Variants in AP2A2 observed in about 807,000 individuals in gnomAD.
AP2A2 encodes the protein AP-2 complex subunit alpha-2.
AP2A2 carries 32 observed loss-of-function variants against 104.2 expected under a neutral mutation model. The ratio of observed to expected loss-of-function variants is 0.31; its 90% CI spans 0.23 to 0.41. The LOEUF is 0.41. AP2A2 is among the 10% of genes least tolerant of loss of function. The pLI, the probability that AP2A2 is intolerant of heterozygous loss-of-function variation, is 1.00. For missense variants in AP2A2, 912 were observed against 1,261.0 expected (o/e 0.72, Z 4.19); for synonymous variants, 539 against 533.3 (o/e 1.01, Z -0.15).
chr11:944,029 G>A (rs1169013978), intron 1 of AP2A2, among the ~76,000 whole-genome samples: 7 of 152,020 alleles, frequency 4.6e-5, no homozygotes, highest in African/African-American at 1.7e-4. Context: ...AGTCCCGACC[G>A]GAGATGCAGG....
intron 1 of AP2A2, 95 bp downstream of exon 1, chr11:926,183 T>TGCAGGCTGGGATGCGGGCGGGGCC: frequency 1.3e-6 from 1 of 755,142 alleles, no homozygotes; most frequent in South Asian, 6.1e-5. Context: ...GAGGCGGGGG[T>TGCAGGCTGGGATGCGGGCGGGGCC]GCAGGCTGGG....
At position 977,025 on chromosome 11, in the gene AP2A2, G is replaced by T. The variant is rs926055314; in HGVS notation, c.474-70G>T. On this transcript the variant is annotated intron_variant, in intron 4 of 21. Coordinates refer to ENST00000448903, the MANE Select transcript of AP2A2 (RefSeq NM_012305.4). ...ACCCCCGCGTCTCCTGCTGGCTCTG[G>T]GGGGGTGCTCCGTGCAGCTCTGCGC... is the stretch of plus-strand genomic sequence containing the variant. 13 of 1,596,772 alleles carry T rather than the reference G, an allele frequency of 8.1e-6. No homozygotes were observed. The East Asian group carries it at 9.0e-5, about 11-fold the overall frequency.
At chr11:963,448 A>C (rs914239856) in intron 2 of AP2A2, among the ~76,000 whole-genome samples, 2 of 152,032 alleles carry the variant, frequency 1.3e-5, no homozygotes, top group Admixed American at 1.3e-4. Flanking sequence ...TAAAAAAAAA[A>C]CAAGGTACCG....
chr11:983,022 T>TC (rs1855304576), intron 6 of AP2A2, among the ~76,000 whole-genome samples: 1 of 142,222 alleles, frequency 7.0e-6, no homozygotes, highest in Admixed American at 7.0e-5. Flanking sequence ...TTTTTCTTTT[T>TC]TTTTTTTTTT....
At position 993,761 on chromosome 11, in the gene AP2A2, ATCCAGTTCCACCTGCTGCAC is replaced by A; in HGVS notation, c.1563_1582del (p.Phe522ValfsTer115). ...GTGCCTCCCCGTCCCCAGCCCGCTG[ATCCAGTTCCACCTGCTGCAC>A]TCCAAGTTCCACCTGTGCAGCGTCC... On this transcript the variant is annotated frameshift_variant, in exon 13 of 22. Transcript: ENST00000448903. LOFTEE classifies it high-confidence loss of function. This position sits in a 1 kb window ranked among gnomAD's most constrained non-coding sequence, Gnocchi z 8.2. 6.3e-7 allele frequency: 1 copy of A among 1,594,932 alleles called. No individual in the cohort carries two copies. The highest frequency in any genetic ancestry group is 8.5e-7 in the Non-Finnish European group (1 of 1,173,772).
At chr11:977,931 C>T (rs945950860) in intron 5 of AP2A2, among the ~76,000 whole-genome samples, 5 of 152,166 alleles carry the variant, frequency 3.3e-5, no homozygotes, top group South Asian at 2.1e-4. Context: ...CCCATGTTGC[C>T]GTGAGCCCCA....
rs867290903 is a variant in AP2A2 at position 1,009,801 on chromosome 11, C to T, written c.2726C>T (p.Pro909Leu). 14 of 1,547,256 alleles carry T rather than the reference C, an allele frequency of 9.0e-6. No homozygotes were observed. Among genetic ancestry groups the T allele is most frequent in the African/African-American group, 2.7e-5 (2 of 73,132 alleles). The change falls in exon 21 of 22, where the codon CCG (proline) becomes CTG (leucine). Residue 909 changes from proline to leucine, a missense_variant. Physicochemically the swap from Pro to Leu is moderately conservative, Grantham distance 98. Transcript: ENST00000448903. Reference protein sequence around the residue: ...TQIGCLLRLEPNLQAQMYRLT... With the variant: ...TQIGCLLRLELNLQAQMYRLT... ...ATTGGATGCCTGCTGCGCTTGGAGC[C>T]GAACCTGCAAGCCCAGGTCAGGCCC...
chr11:967,537 T>C (rs756638971), intron 2 of AP2A2, among the ~76,000 whole-genome samples: 1 of 151,920 alleles, frequency 6.6e-6, no homozygotes, highest in Non-Finnish European at 1.5e-5. Flanking sequence ...TATTTTTGTA[T>C]TTTTAGTAGA....
chr11:954,272 C>A (rs551997791), intron 1 of AP2A2, among the ~76,000 whole-genome samples: 11 of 152,342 alleles, frequency 7.2e-5, no homozygotes, highest in African/African-American at 2.4e-4. Context: ...TCCCACCTCA[C>A]GTGCTGGCCC....
In AP2A2 at chr11:993,990, G is replaced by C; in HGVS notation, c.1782+5G>C. The C allele has an allele frequency of 6.2e-7, 1 of 1,610,244 alleles. No homozygotes were observed. The highest frequency in any genetic ancestry group is 8.5e-7 in the Non-Finnish European group (1 of 1,177,830). On this transcript the variant is annotated splice_donor_5th_base_variant and intron_variant, in intron 13 of 21. Coordinates refer to ENST00000448903, the MANE Select transcript of AP2A2 (RefSeq NM_012305.4). The surrounding 1 kb of genome is among the most constrained non-coding windows in gnomAD (Gnocchi z 8.2). ...GTGGCCAGCACCGACATTCTGGTAG[G>C]AGGCCCCCGCCCTTCGGGCTGGCTT...
chr11:992,262 C>T lies in AP2A2; in HGVS notation c.1270-241C>T, dbSNP rs1204098844. ...AGGTGGGAGGTGGCCTGGCTGTGGC[C>T]GTGGCCTTCTGTGCACTGGTCTCCG... On this transcript the variant is annotated intron_variant, in intron 10 of 21. Coordinates refer to ENST00000448903, the MANE Select transcript of AP2A2 (RefSeq NM_012305.4). This position sits in a 1 kb window ranked among gnomAD's most constrained non-coding sequence, Gnocchi z 6.4. Among the ~76,000 whole-genome samples, 8 of 152,144 alleles carry T rather than the reference C, an allele frequency of 5.3e-5. No homozygotes were observed. The highest frequency in any genetic ancestry group is 7.4e-5 in the Non-Finnish European group (5 of 68,010).
At chr11:985,278 C>T (rs543048060) in intron 7 of AP2A2, 157 bp from the exon 8 acceptor site, 92 of 1,002,208 alleles carry the variant, frequency 9.2e-5, no homozygotes, top group Non-Finnish European at 5.4e-5. Flanking sequence ...CCACCGTGCC[C>T]GGCCTGTCTC....
intron 1 of AP2A2, among the ~76,000 whole-genome samples, chr11:928,276 T>C (rs557626598): frequency 7.2e-5 from 11 of 152,354 alleles, no homozygotes; most frequent in African/African-American, 2.2e-4. Context: ...TAACTTTTAT[T>C]ACAGTATATC....
chr11:997,322 G>A (rs1855888688), intron 14 of AP2A2, among the ~76,000 whole-genome samples: 1 of 152,192 alleles, frequency 6.6e-6, no homozygotes, highest in South Asian at 2.1e-4. Context: ...GAGGCTGCCT[G>A]GCTTCACATG....
rs1856441611 is a variant in AP2A2, at chr11:1,011,799, G to GC, written c.*1175dup. On this transcript the variant is annotated 3_prime_UTR_variant, in exon 22 of 22. Transcript: ENST00000448903. The stretch of plus-strand genomic sequence containing the variant: ...ACCCTGGCCCTCAGTTGCCTGCTGT[G>GC]CGGGTCCCTGGGGCAGCTGCAGGGG... 6.5e-6 allele frequency: 2 copies of GC among 305,350 alleles called. No homozygotes were observed. The highest frequency in any genetic ancestry group is 6.4e-6 in the Non-Finnish European group (1 of 155,102). 18.9% of individuals were successfully genotyped at this position (305,350 alleles called of 1,614,324 possible). A position where few individuals can be genotyped will look rare whatever the true frequency, so the allele number is the denominator to read the frequency against.
intron 1 of AP2A2, among the ~76,000 whole-genome samples, chr11:930,348 T>TA (rs1331353872): frequency 2.6e-5 from 4 of 152,120 alleles, no homozygotes; most frequent in Non-Finnish European, 5.9e-5. Flanking sequence ...GTGGCTCAGG[T>TA]AGTGAACTAA....
chr11:952,486 T>A (rs772137795), intron 1 of AP2A2, among the ~76,000 whole-genome samples: 1 of 152,234 alleles, frequency 6.6e-6, no homozygotes, highest in Non-Finnish European at 1.5e-5. Context: ...AATTGTAACT[T>A]GCTTTTGCCA....
At position 964,827 on chromosome 11, in the gene AP2A2, C is replaced by T. The variant is rs542779120; in HGVS notation, c.136+5322C>T. ...GTGGAAATGGAAAGCATGGAACGGG[C>T]AGGAAATTAAAGGAAATAATCCCAG... On this transcript the variant is annotated intron_variant, in intron 2 of 21. Coordinates refer to ENST00000448903, the MANE Select transcript of AP2A2 (RefSeq NM_012305.4). 3.8e-3 allele frequency among the ~76,000 whole-genome samples: 407 copies of T among 105,880 alleles called. 1 individual carries two copies. Among genetic ancestry groups the T allele is most frequent in the African/African-American group, 0.014 (391 of 28,476 alleles). 69.5% of individuals were successfully genotyped at this position (105,880 alleles called of 152,430 possible).
chr11:984,780 G>A (rs757794511), intron 7 of AP2A2, 27 bp downstream of exon 7: 1 of 1,528,184 alleles, frequency 6.5e-7, no homozygotes, highest in Non-Finnish European at 9.0e-7. Context: ...GGCTCCTGAA[G>A]CTGCACCAGT....
Sources: gnomAD v4.1 joint callset for allele counts (sites outside exome capture counted in the v4.1 genomes callset) on GRCh38, gnomAD v4.1.1 for gene constraint, Gnocchi (gnomAD v3.1) non-coding constraint, MANE v1.5 for transcripts, NCBI Gene and HGNC (gene_info 2026-07-23, HGNC 2026-07-21) for gene names.